HECW1: variants seen among roughly 807,000 people sequenced by gnomAD.
HECW1 encodes E3 ubiquitin-protein ligase HECW1.
HECW1 carries 61 observed loss-of-function variants against 182.3 expected under a neutral mutation model. The ratio of observed to expected loss-of-function variants is 0.33; its 90% confidence interval spans 0.27 to 0.41. HECW1 has a LOEUF of 0.41. HECW1 is among the 10% of genes least tolerant of loss of function. HECW1 has a pLI of 1.00. For synonymous variants in HECW1, 859 were observed against 832.6 expected (o/e 1.03, Z -0.55); for missense variants, 1,739 against 2,108.9 (o/e 0.82, Z 3.44).
At chr7:43,340,453 TC>T (rs1812827010) in intron 5 of HECW1, among the ~76,000 whole-genome samples, 1 of 151,124 alleles carries the variant, frequency 6.6e-6, no homozygotes, top group South Asian at 2.1e-4. Context: ...ACTCCTGACC[TC>T]AGGTGATCCA....
chr7:43,203,027 C>A (rs528091863), intron 2 of HECW1, among the ~76,000 whole-genome samples: 2 of 152,124 alleles, frequency 1.3e-5, no homozygotes, highest in Admixed American at 1.3e-4. Flanking sequence ...CCGCCTGCCC[C>A]CAGGTGAAAT....
chr7:43,494,376 T>G (rs1585082900), intron 19 of HECW1, among the ~76,000 whole-genome samples: 1 of 152,152 alleles, frequency 6.6e-6, no homozygotes, highest in East Asian at 1.9e-4. Context: ...CATACAGGGG[T>G]TTCTCCTAAA....
chr7:43,158,488 T>C (rs1174717433), intron 2 of HECW1, among the ~76,000 whole-genome samples: 1 of 152,236 alleles, frequency 6.6e-6, no homozygotes, highest in African/African-American at 2.4e-5. Context: ...AAGCATTTTT[T>C]CATGCATATC....
At position 43,553,688 on chromosome 7, in the gene HECW1, A is replaced by AAAG. The variant is rs369905426; in HGVS notation, c.4511-904_4511-903insAAG. Among the ~76,000 whole-genome samples the AAAG allele has an allele frequency of 1.8e-3, 249 of 136,366 alleles. 18 individuals carry two copies. Among genetic ancestry groups the AAAG allele is most frequent in the Non-Finnish European group, 1.9e-3 (121 of 63,394 alleles). 89.5% of individuals were successfully genotyped at this position (136,366 alleles called of 152,430 possible). ...TGTCTCAAAAAAAAAAAAAAAAAAA[A>AAAG]GTCTCTGCCTGGCTGTTAAGGCCCC... On this transcript the variant is annotated intron_variant, in intron 28 of 29. Transcript: ENST00000395891.
chr7:43,201,466 A>G (rs753702956), intron 2 of HECW1, among the ~76,000 whole-genome samples: 3 of 152,218 alleles, frequency 2.0e-5, no homozygotes, highest in Admixed American at 6.5e-5. Context: ...TCCACGCTCA[A>G]TGGGATGCTA....
intron 3 of HECW1, among the ~76,000 whole-genome samples, chr7:43,265,301 C>A (rs1246810305): frequency 6.6e-6 from 1 of 152,140 alleles, no homozygotes; most frequent in African/African-American, 2.4e-5. Flanking sequence ...GAAAGCTACA[C>A]CTACTCTGCT....
intron 5 of HECW1, among the ~76,000 whole-genome samples, chr7:43,327,060 C>T (rs904053136): frequency 9.8e-5 from 15 of 152,332 alleles, no homozygotes; most frequent in African/African-American, 2.6e-4. Flanking sequence ...AGGACTGCAC[C>T]GCGGGCTGCC....
At chr7:43,217,304 G>A (rs569533941) in intron 2 of HECW1, among the ~76,000 whole-genome samples, 1 of 152,154 alleles carries the variant, frequency 6.6e-6, no homozygotes, top group Non-Finnish European at 1.5e-5. Context: ...AATTAAAATT[G>A]AGTCTCAGTT....
At chr7:43,130,863 C>CTATAT (rs1250770422) in intron 2 of HECW1, among the ~76,000 whole-genome samples, 1 of 100,768 alleles carries the variant, frequency 9.9e-6, no homozygotes, top group African/African-American at 3.4e-5. Context: ...AATGCTCAAC[C>CTATAT]TGTATTAATA....
intron 6 of HECW1, among the ~76,000 whole-genome samples, chr7:43,391,677 G>A (rs768219466): frequency 2.6e-5 from 4 of 152,114 alleles, no homozygotes; most frequent in Admixed American, 1.3e-4. Flanking sequence ...CAGTTTACAG[G>A]TCTTTCTGTT....
At chr7:43,371,112 C>T (rs1817303846) in intron 6 of HECW1, among the ~76,000 whole-genome samples, 1 of 152,144 alleles carries the variant, frequency 6.6e-6, no homozygotes, top group Non-Finnish European at 1.5e-5. Context: ...TGGTCTCGAT[C>T]TCCTGACCTT....
chr7:43,300,777 A>T (rs1259108384), intron 3 of HECW1, among the ~76,000 whole-genome samples: 2 of 152,152 alleles, frequency 1.3e-5, no homozygotes, highest in East Asian at 1.9e-4. Context: ...TGGCACACTT[A>T]TCAGAGCTGC....
chr7:43,434,289 G>A (rs1584895547), intron 8 of HECW1, among the ~76,000 whole-genome samples: 1 of 152,236 alleles, frequency 6.6e-6, no homozygotes, highest in Non-Finnish European at 1.5e-5. Flanking sequence ...GTCAAAAGGA[G>A]AAGGTGATAG....
At chr7:43,508,366 C>T (rs1309649197) in intron 23 of HECW1, among the ~76,000 whole-genome samples, 3 of 152,204 alleles carry the variant, frequency 2.0e-5, no homozygotes, top group African/African-American at 7.2e-5. Context: ...GCCAACAATA[C>T]AGTCCCAGGG....
chr7:43,377,569 C>A (rs762285921), intron 6 of HECW1, among the ~76,000 whole-genome samples: 1 of 152,018 alleles, frequency 6.6e-6, no homozygotes, highest in Non-Finnish European at 1.5e-5. Flanking sequence ...GGGTTTTCTC[C>A]GGTGGGCTGT....
Position 43,345,791 on chromosome 7 carries a change from C to G in HECW1, c.461-15095C>G, listed in dbSNP as rs574919985. On this transcript the variant is annotated intron_variant, in intron 5 of 29. Transcript: ENST00000395891. ...TTTTTATGGTTGTGTAGTATTCCAT[C>G]ATATATATACACACACACACACACA... 6.6e-3 allele frequency among the ~76,000 whole-genome samples: 298 copies of G among 45,090 alleles called. 1 individual carries two copies. Among genetic ancestry groups the G allele is most frequent in the African/African-American group, 0.02 (286 of 14,080 alleles). 29.6% of individuals were successfully genotyped at this position (45,090 alleles called of 152,430 possible). A position where few individuals can be genotyped will look rare whatever the true frequency, so the allele number is the denominator to read the frequency against.
chr7:43,393,054 T>C (rs1257911648), intron 6 of HECW1, among the ~76,000 whole-genome samples: 3 of 152,186 alleles, frequency 2.0e-5, no homozygotes, highest in African/African-American at 7.2e-5. Flanking sequence ...CTCAATACCC[T>C]GCAGAATCTT....
chr7:43,307,669 AGAAACACTTGTGAATGTCT>A (rs1278379440), intron 3 of HECW1, among the ~76,000 whole-genome samples: 2 of 152,132 alleles, frequency 1.3e-5, no homozygotes, highest in Admixed American at 6.6e-5. Flanking sequence ...AGTATATGCT[AGAAACACTTGTGAATGTCT>A]GGGAGAAACA....
At chr7:43,176,443 A>C (rs1470356249) in intron 2 of HECW1, among the ~76,000 whole-genome samples, 1 of 152,176 alleles carries the variant, frequency 6.6e-6, no homozygotes, top group Non-Finnish European at 1.5e-5. Flanking sequence ...TAAAGAAAAA[A>C]ATTCTTTATT....
Sources: allele counts gnomAD v4.1 joint callset (sites outside exome capture counted in the v4.1 genomes callset), GRCh38; gene constraint gnomAD v4.1.1; transcripts MANE v1.5; gene names NCBI Gene and HGNC (gene_info 2026-07-23, HGNC 2026-07-21).